CDH4: variants seen among roughly 807,000 people sequenced by gnomAD.
The protein encoded by CDH4 is cadherin-4.
CDH4 carries 33 observed loss-of-function variants against 86.0 expected under a neutral mutation model. That is an observed-to-expected ratio of 0.38 (90% CI 0.29 to 0.51). The LOEUF is 0.51. CDH4 is among the 20% of genes least tolerant of loss of function. CDH4 has a pLI of 0.86. For missense variants in CDH4, 1,114 were observed against 1,307.4 expected (o/e 0.85, Z 2.28); for synonymous variants, 555 against 549.4 (o/e 1.01, Z -0.14).
intron 2 of CDH4, among the ~76,000 whole-genome samples, chr20:61,274,093 T>TG (rs2084208085): frequency 1.1e-5 from 1 of 94,210 alleles, no homozygotes; most frequent in Non-Finnish European, 2.1e-5. Flanking sequence ...TGTGCAGTTT[T>TG]GGGGAGTACT....
In CDH4 at chr20:61,937,051, T is replaced by G; in HGVS notation, c.*108T>G. The G allele has an allele frequency of 4.2e-6, 4 of 941,610 alleles. No individual in the cohort carries two copies. The highest frequency in any genetic ancestry group is 6.0e-6 in the Non-Finnish European group (4 of 663,922). 58.3% of individuals were successfully genotyped at this position (941,610 alleles called of 1,614,324 possible). A position where few individuals can be genotyped will look rare whatever the true frequency, so the allele number is the denominator to read the frequency against. On this transcript the variant is annotated 3_prime_UTR_variant, in exon 16 of 16. Transcript: ENST00000614565. ...CGACTCCCTGCGGCTGTGTCCTTAGTGCTGTTAGGAGGCCCCCCAATCCCC... is the reference window on the plus strand; with the variant it reads ...CGACTCCCTGCGGCTGTGTCCTTAGGGCTGTTAGGAGGCCCCCCAATCCCC...
At chr20:61,734,725 G>C (rs2088238842) in intron 2 of CDH4, among the ~76,000 whole-genome samples, 1 of 151,252 alleles carries the variant, frequency 6.6e-6, no homozygotes, top group Non-Finnish European at 1.5e-5. Flanking sequence ...TGCAGGCTTG[G>C]GGCCGTGGGG....
intron 2 of CDH4, among the ~76,000 whole-genome samples, chr20:61,405,732 C>T (rs2085078087): frequency 6.7e-6 from 1 of 150,272 alleles, no homozygotes; most frequent in South Asian, 2.1e-4. Flanking sequence ...CTCACTCTGT[C>T]ACCCAGGCTG....
intron 2 of CDH4, among the ~76,000 whole-genome samples, chr20:61,303,993 G>A (rs779386371): frequency 2.0e-5 from 3 of 152,106 alleles, no homozygotes; most frequent in Admixed American, 6.6e-5. Flanking sequence ...AGGTTAACAC[G>A]GCCGTAGGGA....
intron 6 of CDH4, among the ~76,000 whole-genome samples, chr20:61,860,042 C>T (rs564501187): frequency 6.6e-6 from 1 of 152,278 alleles, no homozygotes; most frequent in Non-Finnish European, 1.5e-5. Context: ...AGGACAGTGC[C>T]TGCCTCATGG....
chr20:61,380,576 G>A (rs534621524), intron 2 of CDH4, among the ~76,000 whole-genome samples: 1 of 142,432 alleles, frequency 7.0e-6, no homozygotes, highest in Admixed American at 7.2e-5. Flanking sequence ...CCATCAAGAT[G>A]TCAGCAAGTT....
intron 2 of CDH4, among the ~76,000 whole-genome samples, chr20:61,430,585 C>T (rs891371164): frequency 2.6e-5 from 4 of 152,100 alleles, no homozygotes; most frequent in African/African-American, 7.2e-5. Flanking sequence ...CATGGGCCGC[C>T]GTGTTCTGAA....
chr20:61,835,820 C>T (rs1039147467), intron 4 of CDH4, among the ~76,000 whole-genome samples: 19 of 152,330 alleles, frequency 1.2e-4, no homozygotes, highest in Admixed American at 2.0e-4. Flanking sequence ...CAGCCCTGAG[C>T]GCCACAGTCA....
At chr20:61,468,309 G>A (rs143170610) in intron 2 of CDH4, among the ~76,000 whole-genome samples, 2,848 of 152,294 alleles carry the variant, frequency 0.019, 35 homozygotes, top group South Asian at 0.031. Flanking sequence ...CTTAGAAATG[G>A]CCTCTCCCAG....
chr20:61,540,073 G>C (rs1377359580), intron 2 of CDH4, among the ~76,000 whole-genome samples: 5 of 152,042 alleles, frequency 3.3e-5, no homozygotes, highest in African/African-American at 1.2e-4. Context: ...TGAGGGTGGA[G>C]GGGGAGCAAT....
At chr20:61,934,790 C>G (rs1457799422) in intron 15 of CDH4, among the ~76,000 whole-genome samples, 8 of 145,298 alleles carry the variant, frequency 5.5e-5, no homozygotes, top group African/African-American at 1.7e-4. Context: ...GAGGTGGCTG[C>G]CTTCCAGGGC....
At chr20:61,300,090 TG>T (rs747725559) in intron 2 of CDH4, among the ~76,000 whole-genome samples, 52 of 152,136 alleles carry the variant, frequency 3.4e-4, no homozygotes, top group Admixed American at 6.5e-4. Context: ...GGCCATGCAC[TG>T]GTGTAAAAAC....
At chr20:61,667,543 G>T (rs1031279950) in intron 2 of CDH4, among the ~76,000 whole-genome samples, 1 of 152,220 alleles carries the variant, frequency 6.6e-6, no homozygotes, top group Non-Finnish European at 1.5e-5. Flanking sequence ...GCGCCCAGAC[G>T]GCCCCACTGC....
At chr20:61,471,530 ATTT>A (rs2085503475) in intron 2 of CDH4, among the ~76,000 whole-genome samples, 1 of 138,152 alleles carries the variant, frequency 7.2e-6, no homozygotes, top group African/African-American at 2.7e-5. Flanking sequence ...TTTTGTTCTG[ATTT>A]TTATTATTTC....
intron 4 of CDH4, among the ~76,000 whole-genome samples, chr20:61,795,071 G>C (rs1979451786): frequency 6.9e-6 from 1 of 145,748 alleles, no homozygotes; most frequent in Non-Finnish European, 1.5e-5. Context: ...TGGTTATAAT[G>C]GTGAGGGTGA....
chr20:61,866,461 T>G (rs1225263975), intron 6 of CDH4, among the ~76,000 whole-genome samples: 1 of 152,214 alleles, frequency 6.6e-6, no homozygotes, highest in Non-Finnish European at 1.5e-5. Context: ...AGGGGCCAGC[T>G]GCCCTCTGTG....
intron 2 of CDH4, among the ~76,000 whole-genome samples, chr20:61,733,299 C>T (rs1022413790): frequency 3.9e-5 from 6 of 152,146 alleles, no homozygotes; most frequent in Non-Finnish European, 5.9e-5. Flanking sequence ...TTGTGGTCCA[C>T]GCCCACCAGG....
At position 61,883,765 on chromosome 20, in the gene CDH4, A is replaced by G. The variant is rs1475159430; in HGVS notation, c.1050+9865A>G. On this transcript the variant is annotated intron_variant, in intron 7 of 15. Transcript: ENST00000614565. ...CCCCAGCGCCTGCTGGACTGACGGG[A>G]CCTCCCCTGCCTGCCTCCATCTTGT... is the stretch of plus-strand genomic sequence containing the variant. Among the ~76,000 whole-genome samples, 4 of 152,024 alleles carry G rather than the reference A, an allele frequency of 2.6e-5. No individual in the cohort carries two copies. The East Asian group carries it at 5.8e-4, about 22-fold the overall frequency.
At chr20:61,776,634 C>T (rs1251180663) in intron 4 of CDH4, among the ~76,000 whole-genome samples, 1 of 152,194 alleles carries the variant, frequency 6.6e-6, no homozygotes, top group Non-Finnish European at 1.5e-5. Flanking sequence ...GAGGTGGGTG[C>T]GTGTTAGGGC....
Sources: allele counts gnomAD v4.1 joint callset (sites outside exome capture counted in the v4.1 genomes callset), GRCh38; gene constraint gnomAD v4.1.1; transcripts MANE v1.5; gene names NCBI Gene and HGNC (gene_info 2026-07-23, HGNC 2026-07-21).